The following UBAP1 variants were observed in gnomAD, a reference collection of about 807,000 sequenced individuals.
UBAP1 encodes ubiquitin-associated protein 1.
A neutral mutation model predicts 39.0 loss-of-function variants in UBAP1; 5 were observed. That is an observed-to-expected ratio of 0.13 (90% confidence interval 0.07 to 0.27). UBAP1 has a LOEUF of 0.27. Among genes scored for constraint, UBAP1 ranks in the 10% least tolerant of loss-of-function variants. The pLI is 1.00. For missense variants in UBAP1, 490 were observed against 608.1 expected (o/e 0.81, Z 2.04); for synonymous variants, 211 against 225.1 (o/e 0.94, Z 0.56).
In UBAP1 at chr9:34,226,133, G is replaced by GTT. The variant is rs1554650851; in HGVS notation, c.34+5186_34+5187insTT. ...TGTGTGTGTGTGTGTGTGTGTGTGT[G>GTT]TGTGTGTGTGTGTGTGTGTGTGTGG... is the stretch of plus-strand genomic sequence containing the variant. On this transcript the variant is annotated intron_variant, in intron 2 of 6. Coordinates refer to ENST00000297661, the MANE Select transcript of UBAP1 (RefSeq NM_016525.5). Among the ~76,000 whole-genome samples the GTT allele has an allele frequency of 7.7e-3, 1,103 of 143,334 alleles. 20 individuals carry two copies. The highest frequency in any genetic ancestry group is 0.026 in the African/African-American group (995 of 37,576). The allele number at this position is 143,334 out of a possible 152,430, so 94.0% of individuals were successfully genotyped here. A position where few individuals can be genotyped will look rare whatever the true frequency, so the allele number is the denominator to read the frequency against.
At chr9:34,216,642 A>ATTTTTTTTT (rs57204146) in intron 1 of UBAP1, among the ~76,000 whole-genome samples, 2 of 70,186 alleles carry the variant, frequency 2.8e-5, no homozygotes, top group African/African-American at 5.1e-5. Context: ...CACCATGCTA[A>ATTTTTTTTT]TTTTTTTTTT....
At chr9:34,202,676 T>TGTGTGTGTGTGTGTGTCC (rs1554647595) in intron 1 of UBAP1, among the ~76,000 whole-genome samples, 1 of 143,136 alleles carries the variant, frequency 7.0e-6, no homozygotes, top group East Asian at 2.0e-4. Flanking sequence ...TGTGTGTGTG[T>TGTGTGTGTGTGTGTGTCC]GTCCCCGTCC....
intron 1 of UBAP1, among the ~76,000 whole-genome samples, chr9:34,212,525 T>G (rs2131557756): frequency 6.6e-6 from 1 of 152,212 alleles, no homozygotes; most frequent in Non-Finnish European, 1.5e-5. Context: ...TAGACACTCT[T>G]AGTGCCATCA....
At chr9:34,182,696 T>TC (rs746595695) in intron 1 of UBAP1, among the ~76,000 whole-genome samples, 20,595 of 130,724 alleles carry the variant, frequency 0.16, 2,413 homozygotes, top group East Asian at 0.44. Context: ...TCTCTCTTTC[T>TC]TTTCTTTTCT....
chr9:34,197,312 T>A (rs879511806), intron 1 of UBAP1, among the ~76,000 whole-genome samples: 29 of 150,616 alleles, frequency 1.9e-4, no homozygotes, highest in East Asian at 3.9e-4. Flanking sequence ...TTTATTAAAA[T>A]TTTTTTTTTC....
intron 1 of UBAP1, among the ~76,000 whole-genome samples, chr9:34,205,119 G>A (rs912278672): frequency 1.3e-5 from 2 of 152,034 alleles, no homozygotes; most frequent in African/African-American, 4.8e-5. Flanking sequence ...CCAGGCTCAG[G>A]TGGTCCCCTG....
intron 3 of UBAP1, among the ~76,000 whole-genome samples, chr9:34,235,614 C>T (rs28863479): frequency 0.023 from 3,514 of 152,266 alleles, 148 homozygotes; most frequent in African/African-American, 0.08. Flanking sequence ...GCTGGAATTA[C>T]AGGCGTGAGC....
At position 34,241,265 on chromosome 9, in the gene UBAP1, G is replaced by A; in HGVS notation, c.240G>A (p.Glu80=). The change falls in exon 4 of 7, where the codon GAG becomes GAA. Residue 80 remains glutamate, a synonymous_variant. Coordinates refer to ENST00000297661, the MANE Select transcript of UBAP1 (RefSeq NM_016525.5). Reference sequence around the variant, plus strand: ...TCGAAGAAGCCGAGCGGGAAGCAGAGTGCAAAATTGCGGAAGCAGAAGCTA... The same window carrying A: ...TCGAAGAAGCCGAGCGGGAAGCAGAATGCAAAATTGCGGAAGCAGAAGCTA... ...KKIEEAEREA[E]CKIAEAEAKV... is the part of the protein sequence containing the mutation. 2.0e-6 allele frequency: 3 copies of A among 1,507,786 alleles called. No homozygotes were observed. The highest frequency in any genetic ancestry group is 2.3e-5 in the East Asian group (1 of 43,962). 93.4% of individuals were successfully genotyped at this position (1,507,786 alleles called of 1,614,324 possible).
At chr9:34,247,366 C>T (rs10972022) in intron 4 of UBAP1, among the ~76,000 whole-genome samples, 18,812 of 152,034 alleles carry the variant, frequency 0.12, 1,520 homozygotes, top group Non-Finnish European at 0.18. Flanking sequence ...TTTAATATCC[C>T]GTGCATCTTT....
At chr9:34,208,727 G>T (rs1831854190) in intron 1 of UBAP1, among the ~76,000 whole-genome samples, 1 of 148,774 alleles carries the variant, frequency 6.7e-6, no homozygotes, top group Non-Finnish European at 1.5e-5. Flanking sequence ...GCAGTGAGCC[G>T]AGATGGCACC....
rs1234794736 is a variant in UBAP1, at chr9:34,252,443, TAC to T, written c.*913_*914del. ...ATTAAAGATCTAAATACAAAGGATA[TAC>T]AGTCTTGAATCTAAAATAATTTGCT... is the stretch of plus-strand genomic sequence containing the variant. On this transcript the variant is annotated 3_prime_UTR_variant, in exon 7 of 7. Transcript: ENST00000297661. The T allele has an allele frequency of 2.0e-5, 3 of 146,344 alleles. No homozygotes were observed. The highest frequency in any genetic ancestry group is 4.5e-5 in the Non-Finnish European group (3 of 66,716). The allele number at this position is 146,344 out of a possible 1,614,324, so 9.1% of individuals were successfully genotyped here.
chr9:34,224,978 G>A (rs536679940), intron 2 of UBAP1, among the ~76,000 whole-genome samples: 12 of 152,308 alleles, frequency 7.9e-5, no homozygotes, highest in African/African-American at 2.6e-4. Context: ...TTAAGGTGCT[G>A]CTTGCTACTT....
Position 34,241,619 on chromosome 9 carries a change from T to A in UBAP1, c.594T>A (p.Asn198Lys). The A allele has an allele frequency of 1.2e-6, 2 of 1,614,068 alleles. No individual in the cohort carries two copies. The highest frequency in any genetic ancestry group is 8.5e-7 in the Non-Finnish European group (1 of 1,179,984). ...CCATTATGGCTCAGTTATTGGACAA[T>A]AACTTGCCCAGGGGAGGCTCTGGGT... ...TGPIMAQLLD[N>K]NLPRGGSGSV... is the part of the protein sequence containing the mutation. The change falls in exon 4 of 7, where the codon AAT becomes AAA. Residue 198 changes from asparagine to lysine, a missense_variant. Physicochemically the swap from Asn to Lys is moderately conservative, Grantham distance 94. Coordinates refer to ENST00000297661, the MANE Select transcript of UBAP1 (RefSeq NM_016525.5).
chr9:34,212,257 A>G (rs1832058476), intron 1 of UBAP1, among the ~76,000 whole-genome samples: 1 of 152,024 alleles, frequency 6.6e-6, no homozygotes, highest in Admixed American at 6.6e-5. Flanking sequence ...ACATTTTAAA[A>G]TTTATAATTA....
At chr9:34,194,962 G>A (rs1421072235) in intron 1 of UBAP1, among the ~76,000 whole-genome samples, 4 of 152,072 alleles carry the variant, frequency 2.6e-5, no homozygotes, top group Non-Finnish European at 5.9e-5. Context: ...CAAGGGATAC[G>A]TAACCTAGTA....
chr9:34,217,033 TC>T (rs1832362014), intron 1 of UBAP1, among the ~76,000 whole-genome samples: 1 of 152,010 alleles, frequency 6.6e-6, no homozygotes, highest in Non-Finnish European at 1.5e-5. Context: ...TTTACTACCC[TC>T]CCCACCTCTC....
Position 34,249,967 on chromosome 9 carries a change from C to T in UBAP1, c.1266+6C>T, listed in dbSNP as rs117985789. On this transcript the variant is annotated splice_donor_region_variant and intron_variant, in intron 5 of 6. Transcript: ENST00000297661. ...AAGGAGAGAATATTGAGCAGGTGAGCGGTTGGTCAGCCAGGAGGGCAGGCT... is the reference window on the plus strand; with the variant it reads ...AAGGAGAGAATATTGAGCAGGTGAGTGGTTGGTCAGCCAGGAGGGCAGGCT... 2.3e-3 allele frequency: 3,700 copies of T among 1,613,478 alleles called. 8 individuals are homozygous for T. The highest frequency in any genetic ancestry group is 2.9e-3 in the Non-Finnish European group (3,436 of 1,179,812).
At chr9:34,190,145 T>C (rs1304962340) in intron 1 of UBAP1, among the ~76,000 whole-genome samples, 2 of 152,222 alleles carry the variant, frequency 1.3e-5, no homozygotes, top group Non-Finnish European at 2.9e-5. Context: ...TTTACCTATG[T>C]AACAAACCTT....
chr9:34,205,641 G>A (rs1481766638), intron 1 of UBAP1, among the ~76,000 whole-genome samples: 1 of 152,114 alleles, frequency 6.6e-6, no homozygotes, highest in African/African-American at 2.4e-5. Context: ...CAGAGCTAAG[G>A]GAAATCTTTG....
Sources: allele counts gnomAD v4.1 joint callset (sites outside exome capture counted in the v4.1 genomes callset), GRCh38; gene constraint gnomAD v4.1.1; transcripts MANE v1.5; gene names NCBI Gene and HGNC (gene_info 2026-07-23, HGNC 2026-07-21).